Variants in ZNF800 observed in about 807,000 individuals in gnomAD.
The protein encoded by ZNF800 is zinc finger protein 800.
A neutral mutation model predicts 59.5 loss-of-function variants in ZNF800; 13 were observed. The ratio of observed to expected loss-of-function variants is 0.22; its 90% CI spans 0.14 to 0.35. The LOEUF is 0.35. Ranked by LOEUF, ZNF800 falls within the 10% of genes least tolerant of loss-of-function variation. The pLI is 1.00. For synonymous variants in ZNF800, 266 were observed against 265.7 expected (o/e 1.00, Z -0.01); for missense variants, 621 against 783.7 (o/e 0.79, Z 2.48).
At chr7:127,386,406 G>C (rs543941442) in intron 2 of ZNF800, among the ~76,000 whole-genome samples, 1 of 152,296 alleles carries the variant, frequency 6.6e-6, no homozygotes, top group South Asian at 2.1e-4. Context: ...CTTAAGGCTA[G>C]ATATTAGGTT....
At chr7:127,372,998 A>T in intron 5 of ZNF800, 1 of 985,218 alleles carries the variant, frequency 1.0e-6, no homozygotes, top group Non-Finnish European at 1.2e-6. Context: ...AAACCTGTGC[A>T]AAGTTAGTTA....
chr7:127,368,934 A>G (rs1453961728), downstream of ZNF800, among the ~76,000 whole-genome samples: 1 of 152,086 alleles, frequency 6.6e-6, no homozygotes, highest in African/African-American at 2.4e-5. Flanking sequence ...CATATATACA[A>G]AACTAGACAA....
intron 1 of ZNF800, among the ~76,000 whole-genome samples, chr7:127,352,532 G>A (rs1455857575): frequency 2.0e-5 from 3 of 152,130 alleles, no homozygotes; most frequent in Non-Finnish European, 2.9e-5. Flanking sequence ...CACTACCAGA[G>A]CTTACTGACA....
intron 3 of ZNF800, among the ~76,000 whole-genome samples, chr7:127,383,556 C>A (rs1266137968): frequency 6.6e-6 from 1 of 152,098 alleles, no homozygotes; most frequent in African/African-American, 2.4e-5. Flanking sequence ...AGCCTCAGAG[C>A]TAGAAGGGAT....
chr7:127,391,482 C>A lies in ZNF800; in HGVS notation c.61+15G>T. On this transcript the variant is annotated intron_variant, in intron 2 of 5. Transcript: ENST00000265827. ...TGATGGAGGGCAAAGCAACTGCGGA[C>A]GAAGAGGGGTCTACCTGGTTCACAG... 1.2e-6 allele frequency: 2 copies of A among 1,613,896 alleles called. No homozygotes were observed. The highest frequency in any genetic ancestry group is 1.7e-6 in the Non-Finnish European group (2 of 1,179,850).
At chr7:127,390,315 A>C (rs760989204) in intron 2 of ZNF800, among the ~76,000 whole-genome samples, 11 of 152,216 alleles carry the variant, frequency 7.2e-5, no homozygotes, top group Non-Finnish European at 1.6e-4. Flanking sequence ...CAAAATATGC[A>C]GTGTGAAAGG....
At chr7:127,350,930 CA>C (rs758946217) in intron 1 of ZNF800, among the ~76,000 whole-genome samples, 33 of 152,308 alleles carry the variant, frequency 2.2e-4, no homozygotes, top group Admixed American at 6.5e-4. Flanking sequence ...AAGATGTTGA[CA>C]GTCTTTCCAG....
Position 127,374,400 on chromosome 7 carries a change from T to C in ZNF800, c.936A>G (p.Gly312=), listed in dbSNP as rs1347749611. ...VRRHFDEVHR[G]LRRDSITPDI... is the part of the protein sequence containing the mutation. ...CAGGAGTAATTGAATCCCTCCTTAG[T>C]CCTCTATGAACTTCATCAAAATGCC... Residue 312 remains glycine (G), a synonymous_variant, in exon 5 of 6, where the codon GGA becomes GGG. Transcript: ENST00000265827. 1 of 1,613,974 alleles carries C rather than the reference T, an allele frequency of 6.2e-7. No individual in the cohort carries two copies. The highest frequency in any genetic ancestry group is 2.2e-5 in the East Asian group (1 of 44,858).
intron 1 of ZNF800, chr7:127,360,620 T>G (rs1446708866): frequency 6.6e-6 from 1 of 151,992 alleles, no homozygotes; most frequent in African/African-American, 2.4e-5. Context: ...CACATAATAC[T>G]GCTTGTGATT....
Position 127,392,352 on chromosome 7 carries a change from T to A in ZNF800, c.-351A>T. On this transcript the variant is annotated 5_prime_UTR_variant, in exon 1 of 6. Transcript: ENST00000265827. ...CGGGAGGCGCGCGGGCGGAGGCAGT[T>A]GACAGGAGGAACCGCCCGGCAGCAG... 2.6e-6 allele frequency: 1 copy of A among 382,868 alleles called. No individual in the cohort carries two copies. Among genetic ancestry groups the A allele is most frequent in the Non-Finnish European group, 4.6e-6 (1 of 216,290 alleles). 23.7% of individuals were successfully genotyped at this position (382,868 alleles called of 1,614,324 possible). A position where few individuals can be genotyped will look rare whatever the true frequency, so the allele number is the denominator to read the frequency against.
intron 1 of ZNF800, 54 bp downstream of exon 1, chr7:127,392,006 T>A: frequency 2.6e-6 from 1 of 385,068 alleles, no homozygotes; most frequent in Non-Finnish European, 4.6e-6. Flanking sequence ...CGCACGTGCG[T>A]TGGGGTCTCC....
At chr7:127,382,641 A>C (rs1256544950) in intron 3 of ZNF800, among the ~76,000 whole-genome samples, 1 of 152,194 alleles carries the variant, frequency 6.6e-6, no homozygotes, top group African/African-American at 2.4e-5. Context: ...TCCAAGTGGA[A>C]AACCTGCAGC....
intron 2 of ZNF800, among the ~76,000 whole-genome samples, chr7:127,388,297 G>C (rs1323411956): frequency 6.6e-6 from 1 of 152,096 alleles, no homozygotes; most frequent in East Asian, 1.9e-4. Context: ...CAAAATCTTA[G>C]AGAAAGAGAA....
chr7:127,350,484 T>C (rs1420959091), intron 1 of ZNF800: 2 of 152,246 alleles, frequency 1.3e-5, no homozygotes, highest in African/African-American at 2.4e-5. Context: ...TTTTTCCCTA[T>C]GGCAACAAGT....
At chr7:127,357,119 G>A (rs1052147915) in intron 1 of ZNF800, among the ~76,000 whole-genome samples, 1 of 152,052 alleles carries the variant, frequency 6.6e-6, no homozygotes, top group Admixed American at 6.6e-5. Context: ...CCACTGGCCT[G>A]GAGGTACGTG....
Position 127,370,282 on chromosome 7 carries a change from C to A in ZNF800, c.*1532G>T, listed in dbSNP as rs17862367. On this transcript the variant is annotated 3_prime_UTR_variant, in exon 6 of 6. Transcript: ENST00000265827. ...TAATTCAAGTGTAGCTGCTCATAGT[C>A]ACTGAATAAGTTTAAATTTGATAAT... 11,875 of 152,504 alleles carry A rather than the reference C, an allele frequency of 0.078. 684 individuals carry two copies. The highest frequency in any genetic ancestry group is 0.12 in the Non-Finnish European group (8,142 of 67,964). The allele number at this position is 152,504 out of a possible 1,614,324, so 9.4% of individuals were successfully genotyped here. A position where few individuals can be genotyped will look rare whatever the true frequency, so the allele number is the denominator to read the frequency against.
chr7:127,374,451 T>A lies in ZNF800; in HGVS notation c.885A>T (p.Ser295=). ...LSRSCPVCCK[S]FATKANVRRH... is the part of the protein sequence containing the mutation. ...TCCTTACATTCGCTTTTGTAGCAAA[T>A]GATTTACAACATACTGGACAACTCC... Residue 295 remains serine (S), a synonymous_variant, in exon 5 of 6, where the codon TCA becomes TCT. Coordinates refer to ENST00000265827, the MANE Select transcript of ZNF800 (RefSeq NM_176814.5). 5 of 1,614,082 alleles carry A rather than the reference T, an allele frequency of 3.1e-6. No individual in the cohort carries two copies. In the East Asian group the frequency reaches 8.9e-5, roughly 29 times the overall value.
downstream of ZNF800, among the ~76,000 whole-genome samples, chr7:127,367,892 C>A (rs1011239085): frequency 3.3e-5 from 5 of 152,122 alleles, no homozygotes; most frequent in Admixed American, 3.3e-4. Flanking sequence ...AACACCAAAA[C>A]CTCCAACTTT....
chr7:127,345,634 G>T (rs1482373210), downstream of ZNF800, among the ~76,000 whole-genome samples: 11 of 152,192 alleles, frequency 7.2e-5, no homozygotes, highest in Admixed American at 7.2e-4. Flanking sequence ...AAAGAGAGGA[G>T]CATAGACGGG....
Sources: gnomAD v4.1 joint callset for allele counts (sites outside exome capture counted in the v4.1 genomes callset) on GRCh38, gnomAD v4.1.1 for gene constraint, MANE v1.5 for transcripts, NCBI Gene and HGNC (gene_info 2026-07-23, HGNC 2026-07-21) for gene names.